The following NID1 variants were observed in gnomAD, a reference collection of about 807,000 sequenced individuals.
NID1 encodes nidogen-1.
In NID1, 76 loss-of-function variants were observed where a neutral mutation model predicts 130.6. That is an observed-to-expected ratio of 0.58 (90% CI 0.48 to 0.70). The LOEUF is 0.70. Ranked by LOEUF, NID1 falls within the 30% of genes least tolerant of loss-of-function variation. The pLI is 0.00. For synonymous variants in NID1, 665 were observed against 675.1 expected, an observed-to-expected ratio of 0.98 and a Z score of 0.23; for missense variants, 1,517 against 1,664.8, an observed-to-expected ratio of 0.91 and a Z score of 1.54.
In NID1 at chr1:235,980,569, C is replaced by T. The variant is rs1380999147; in HGVS notation, c.3312G>A (p.Val1104=). The change falls in exon 17 of 20, where the codon GTG becomes GTA. Residue 1104 remains valine, a synonymous_variant. Coordinates refer to ENST00000264187, the MANE Select transcript of NID1 (RefSeq NM_002508.3). ...YMDGTNRRIL[V]QDDLGLPNGL... ...CATTGGGCAAGCCCAGGTCATCCTG[C>T]ACAAGGATCCTCCGGTTCGTGCCGT... 1.2e-6 allele frequency: 2 copies of T among 1,614,178 alleles called. No individual in the cohort carries two copies. Among genetic ancestry groups the T allele is most frequent in the East Asian group, 4.5e-5 (2 of 44,876 alleles).
chr1:236,024,776 G>A (rs1658872214), intron 8 of NID1, among the ~76,000 whole-genome samples: 1 of 152,172 alleles, frequency 6.6e-6, no homozygotes, highest in Admixed American at 6.5e-5. Context: ...GGACAAATGT[G>A]AAGTCTGACA....
intron 12 of NID1, among the ~76,000 whole-genome samples, chr1:235,997,375 T>C (rs1281603229): frequency 6.6e-6 from 1 of 152,182 alleles, no homozygotes; most frequent in African/African-American, 2.4e-5. Context: ...TGGGCCAGAT[T>C]TGGCCTATGG....
At position 235,991,517 on chromosome 1, in the gene NID1, G is replaced by C. The variant is rs1657738155; in HGVS notation, c.2756-459C>G. ...CCAGTTAATTTTTGTATTTTTAGCA[G>C]AGATGGGGTTTCACCATGTTGGCCA... is the stretch of plus-strand genomic sequence containing the variant. On this transcript the variant is annotated intron_variant, in intron 13 of 19. Transcript: ENST00000264187. Among the ~76,000 whole-genome samples, 3 of 152,158 alleles carry C rather than the reference G, an allele frequency of 2.0e-5. No homozygotes were observed. The South Asian group carries it at 6.2e-4, about 32-fold the overall frequency.
intron 1 of NID1, among the ~76,000 whole-genome samples, chr1:236,049,788 T>G (rs1277404344): frequency 6.6e-6 from 1 of 151,378 alleles, no homozygotes; most frequent in Admixed American, 6.6e-5. Context: ...ACCTGTAATC[T>G]CAGCACTTTG....
intron 5 of NID1, among the ~76,000 whole-genome samples, chr1:236,033,334 G>A (rs990287081): frequency 6.6e-6 from 1 of 152,170 alleles, no homozygotes; most frequent in Admixed American, 6.5e-5. Flanking sequence ...AGTAAAAGGA[G>A]TGTGGAATTG....
chr1:236,048,708 G>A lies in NID1; in HGVS notation c.507C>T (p.Asp169=), dbSNP rs1252236660. The A allele has an allele frequency of 6.2e-7, 1 of 1,611,356 alleles. No individual in the cohort carries two copies. Among genetic ancestry groups the A allele is most frequent in the Non-Finnish European group, 8.5e-7 (1 of 1,179,752 alleles). Residue 169 remains aspartate, a synonymous_variant, in exon 2 of 20, where the codon GAC becomes GAT. Transcript: ENST00000264187. ...SVAPYQGPSR[D]PDQKGKRNTF... is the part of the protein sequence containing the mutation. ...AGCTTACCTTGCCTTTCTGGTCTGG[G>A]TCCCTGCTGGGCCCTTGGTAGGGGG...
At chr1:236,016,938 T>C (rs765321166) in intron 10 of NID1, among the ~76,000 whole-genome samples, 1 of 152,218 alleles carries the variant, frequency 6.6e-6, no homozygotes, top group Non-Finnish European at 1.5e-5. Flanking sequence ...ATGGTATTAC[T>C]AGTGTAGGCA....
chr1:236,003,096 AG>A (rs1658127601), intron 12 of NID1, among the ~76,000 whole-genome samples: 1 of 149,852 alleles, frequency 6.7e-6, no homozygotes, highest in African/African-American at 2.5e-5. Context: ...TGTCACTCCT[AG>A]TGAACGACTG....
chr1:236,013,351 G>T, intron 11 of NID1, 60 bp downstream of exon 11: 1 of 1,583,648 alleles, frequency 6.3e-7, no homozygotes, highest in Non-Finnish European at 8.6e-7. Flanking sequence ...GCACATGACA[G>T]GTACCACCTA....
intron 4 of NID1, among the ~76,000 whole-genome samples, chr1:236,041,268 A>G (rs1199592174): frequency 6.6e-6 from 1 of 151,514 alleles, no homozygotes; most frequent in Non-Finnish European, 1.5e-5. Flanking sequence ...GGGTTTCACC[A>G]TGTTGGCCAG....
intron 1 of NID1, among the ~76,000 whole-genome samples, chr1:236,049,898 C>T (rs1290422216): frequency 2.0e-5 from 3 of 151,812 alleles, no homozygotes; most frequent in African/African-American, 4.8e-5. Flanking sequence ...ATTAGCCGGG[C>T]GTGATGGCGG....
chr1:236,057,587 G>A (rs550081750), intron 1 of NID1, among the ~76,000 whole-genome samples: 12 of 151,234 alleles, frequency 7.9e-5, no homozygotes, highest in African/African-American at 2.4e-4. Flanking sequence ...AAAATTAGCC[G>A]GGCGTGGTCA....
intron 2 of NID1, among the ~76,000 whole-genome samples, chr1:236,047,076 A>C (rs1659624252): frequency 6.6e-6 from 1 of 152,200 alleles, no homozygotes; most frequent in Non-Finnish European, 1.5e-5. Context: ...GCACCACTGC[A>C]CTCCAGCCTG....
rs142267254 is a variant in NID1 at position 236,058,720 on chromosome 1, G to A, written c.225+6135C>T. On this transcript the variant is annotated intron_variant, in intron 1 of 19. Coordinates refer to ENST00000264187, the MANE Select transcript of NID1 (RefSeq NM_002508.3). ...AGTGAAACAACAGCCACTTGGCCGG[G>A]GGCTTAGATGAGCCTAGTAACAGGC... Among the ~76,000 whole-genome samples, 51 of 152,280 alleles carry A rather than the reference G, an allele frequency of 3.3e-4. No individual in the cohort carries two copies. The East Asian group carries it at 9.4e-3, about 28-fold the overall frequency.
chr1:235,997,263 G>GACT (rs1657955212), intron 12 of NID1, among the ~76,000 whole-genome samples: 1 of 152,238 alleles, frequency 6.6e-6, no homozygotes, highest in Non-Finnish European at 1.5e-5. Context: ...TCTCTGTTAC[G>GACT]ACTACGCAAC....
At chr1:236,044,350 T>C (rs1328901833) in intron 3 of NID1, among the ~76,000 whole-genome samples, 1 of 152,214 alleles carries the variant, frequency 6.6e-6, no homozygotes, top group Non-Finnish European at 1.5e-5. Context: ...GGAAAAAATA[T>C]TCAAAACTCA....
rs749099050 is a variant in NID1, at chr1:235,980,697, G to A, written c.3228-44C>T. 19 of 1,585,228 alleles carry A rather than the reference G, an allele frequency of 1.2e-5. No homozygotes were observed. In the Middle Eastern group the frequency reaches 5.1e-4, roughly 42 times the overall value. On this transcript the variant is annotated intron_variant, in intron 16 of 19. Coordinates refer to ENST00000264187, the MANE Select transcript of NID1 (RefSeq NM_002508.3). ...GGGAAAGAGGAAAAGAAATAATAAG[G>A]ATGCATGAGAAAAAGTTTATGAAAA...
intron 10 of NID1, among the ~76,000 whole-genome samples, chr1:236,014,250 C>T (rs1022712802): frequency 2.1e-5 from 3 of 141,474 alleles, no homozygotes; most frequent in Admixed American, 7.2e-5. Context: ...TGTCTGTCTG[C>T]ACTTAAGGTA....
At chr1:235,991,607 A>G (rs1657740864) in intron 13 of NID1, among the ~76,000 whole-genome samples, 1 of 152,180 alleles carries the variant, frequency 6.6e-6, no homozygotes, top group Admixed American at 6.5e-5. Context: ...TGCTGGGATT[A>G]CAGGTGTGAG....
Sources: allele counts gnomAD v4.1 joint callset (sites outside exome capture counted in the v4.1 genomes callset), GRCh38; gene constraint gnomAD v4.1.1; transcripts MANE v1.5; gene names NCBI Gene and HGNC (gene_info 2026-07-23, HGNC 2026-07-21).